Variants in UROC1 observed in about 807,000 individuals in gnomAD.
UROC1 encodes urocanate hydratase 1.
UROC1 carries 79 observed loss-of-function variants against 89.5 expected under a neutral mutation model. That is an observed-to-expected ratio of 0.88 (90% CI 0.74 to 1.06). The LOEUF (loss-of-function observed/expected upper bound fraction) is 1.06. UROC1 is among the 50% of genes least tolerant of loss of function. The pLI is 0.00. For missense variants in UROC1, 885 were observed against 907.8 expected (o/e 0.97, Z 0.32); for synonymous variants, 361 against 354.8 (o/e 1.02, Z -0.20).
In UROC1 at chr3:126,508,097, T is replaced by G. The variant is rs745888489; in HGVS notation, c.412-2A>C. The G allele has an allele frequency of 1.2e-6, 2 of 1,613,810 alleles. No homozygotes were observed. The highest frequency in any genetic ancestry group is 4.5e-5 in the East Asian group (2 of 44,876). ...CAAGTAGAACATGGTCAGCCAGAAC[T>G]GGGGGAAGAGCAGAGCGTGGGGATT... is the stretch of plus-strand genomic sequence containing the variant. On this transcript the variant is annotated splice_acceptor_variant, in intron 4 of 19. Transcript: ENST00000290868. LOFTEE classifies it high-confidence loss of function.
chr3:126,492,316 A>G, intron 16 of UROC1, 102 bp downstream of exon 16: 1 of 1,139,992 alleles, frequency 8.8e-7, no homozygotes, highest in East Asian at 2.6e-5. Flanking sequence ...CCCACCCAGA[A>G]GGCTGTGGGG....
intron 18 of UROC1, among the ~76,000 whole-genome samples, chr3:126,485,791 C>T (rs1208433709): frequency 6.6e-6 from 1 of 151,844 alleles, no homozygotes; most frequent in Non-Finnish European, 1.5e-5. Context: ...CAGAGGATTT[C>T]TGTGCACATT....
At chr3:126,509,770 G>T in intron 2 of UROC1, 92 bp from the exon 3 acceptor site, 1 of 1,210,340 alleles carries the variant, frequency 8.3e-7, no homozygotes, top group Admixed American at 2.0e-5. Flanking sequence ...CTCAGGCAAG[G>T]ATAGCCGGAC....
intron 18 of UROC1, among the ~76,000 whole-genome samples, chr3:126,485,689 TG>T (rs2107532529): frequency 6.6e-6 from 1 of 151,180 alleles, no homozygotes; most frequent in East Asian, 2.0e-4. Flanking sequence ...CTTAGCCTTC[TG>T]AGTAGATGGG....
At position 126,492,481 on chromosome 3, in the gene UROC1, G is replaced by T. The variant is rs369284359; in HGVS notation, c.1545C>A (p.Asp515Glu). 3.7e-6 allele frequency: 6 copies of T among 1,613,378 alleles called. No homozygotes were observed. The African/African-American group carries it at 4.0e-5, about 11-fold the overall frequency. The change falls in exon 16 of 20, where the codon GAC becomes GAA. Residue 515 changes from aspartate to glutamate, a missense_variant. By Grantham distance (45) the Asp-to-Glu change is conservative. Transcript: ENST00000290868. ...VGSQARILYS[D>E]QKGRVAIAVA... ...CAGCGATGGCCACGCGGCCCTTCTG[G>T]TCTGAGTACAGGATCCTTGCCTGGG... is the stretch of plus-strand genomic sequence containing the variant.
chr3:126,496,236 GCCCAC>G lies in UROC1; in HGVS notation c.1439-133_1439-129del, dbSNP rs372654358. 6.5e-3 allele frequency: 5,725 copies of G among 886,216 alleles called. 38 individuals are homozygous for G. The highest frequency in any genetic ancestry group is 8.6e-3 in the Admixed American group (418 of 48,684). 54.9% of individuals were successfully genotyped at this position (886,216 alleles called of 1,614,324 possible). On this transcript the variant is annotated intron_variant, in intron 14 of 19. Coordinates refer to ENST00000290868, the MANE Select transcript of UROC1 (RefSeq NM_144639.3). ...CTGAGCTAGGACACAAGGTGAGGGA[GCCCAC>G]CCCACCCCACCCCTGCCTTTGTGAA...
chr3:126,484,096 A>G (rs1018503067), intron 18 of UROC1, among the ~76,000 whole-genome samples: 19 of 152,114 alleles, frequency 1.2e-4, no homozygotes, highest in Admixed American at 6.5e-5. Flanking sequence ...CCTTCTGATT[A>G]TTTGATCTGA....
chr3:126,515,613 A>G (rs1288590406), intron 1 of UROC1, among the ~76,000 whole-genome samples: 3 of 37,232 alleles, frequency 8.1e-5, no homozygotes, highest in African/African-American at 3.5e-4. Context: ...CCCAGCACCC[A>G]CCACCTACCA....
At chr3:126,510,585 G>T in intron 2 of UROC1, 79 bp downstream of exon 2, 1 of 1,586,992 alleles carries the variant, frequency 6.3e-7, no homozygotes, top group Non-Finnish European at 8.5e-7. Context: ...CTCCCTCCTT[G>T]TTCCTGGCCC....
chr3:126,500,549 T>A, intron 11 of UROC1, 146 bp downstream of exon 11: 1 of 989,534 alleles, frequency 1.0e-6, no homozygotes, highest in Non-Finnish European at 1.6e-6. Context: ...TGACTCCGTC[T>A]GATGGGTGGA....
chr3:126,493,901 G>A (rs1177429127), intron 15 of UROC1, among the ~76,000 whole-genome samples: 3 of 152,188 alleles, frequency 2.0e-5, no homozygotes, highest in East Asian at 1.9e-4. Context: ...CAGCAGGGCC[G>A]GGCCACGGAA....
At chr3:126,490,979 G>A (rs1038200171) in intron 16 of UROC1, among the ~76,000 whole-genome samples, 2 of 152,166 alleles carry the variant, frequency 1.3e-5, no homozygotes, top group Admixed American at 1.3e-4. Flanking sequence ...CTCTCCAGGG[G>A]ATCTCAAAAT....
Position 126,510,773 on chromosome 3 carries a change from G to A in UROC1, c.148C>T (p.Arg50Cys), listed in dbSNP as rs1282834500. ...TCCTGGACATCCGGGGGGAAGTAGC[G>A]CAGGGCGTTCCTCAGCGCCAGCTGG... Reference protein sequence around the residue: ...EKQLALRNALRYFPPDVQELL... With the variant: ...EKQLALRNALCYFPPDVQELL... Residue 50 changes from arginine to cysteine, a missense_variant, in exon 2 of 20, where the codon CGC becomes TGC. Arg to Cys is a radical substitution (Grantham distance 180, BLOSUM62 -3). Coordinates refer to ENST00000290868, the MANE Select transcript of UROC1 (RefSeq NM_144639.3). The A allele has an allele frequency of 8.1e-6, 13 of 1,613,690 alleles. No homozygotes were observed. The highest frequency in any genetic ancestry group is 5.5e-5 in the South Asian group (5 of 91,086).
At position 126,482,120 on chromosome 3, in the gene UROC1, T is replaced by A; in HGVS notation, c.*225A>T. On this transcript the variant is annotated 3_prime_UTR_variant, in exon 20 of 20. Coordinates refer to ENST00000290868, the MANE Select transcript of UROC1 (RefSeq NM_144639.3). ...ACTTTGACAGCCTTCAGGGCTCCCATGCAAGTGGCATGGTTGTGGACAGAG... is the reference window on the plus strand; with the variant it reads ...ACTTTGACAGCCTTCAGGGCTCCCAAGCAAGTGGCATGGTTGTGGACAGAG... 1 of 634,292 alleles carries A rather than the reference T, an allele frequency of 1.6e-6. No individual in the cohort carries two copies. The highest frequency in any genetic ancestry group is 2.0e-5 in the South Asian group (1 of 50,570). The allele number at this position is 634,292 out of a possible 1,614,324, so 39.3% of individuals were successfully genotyped here. A position where few individuals can be genotyped will look rare whatever the true frequency, so the allele number is the denominator to read the frequency against.
chr3:126,508,557 T>G, intron 3 of UROC1, 82 bp from the exon 4 acceptor site: 8 of 1,138,074 alleles, frequency 7.0e-6, no homozygotes, highest in Middle Eastern at 2.0e-4. Context: ...AGGGCCCCCA[T>G]CCCCTGGGGG....
chr3:126,498,656 G>A (rs1355386514), intron 13 of UROC1, among the ~76,000 whole-genome samples: 1 of 151,988 alleles, frequency 6.6e-6, no homozygotes, highest in African/African-American at 2.4e-5. Flanking sequence ...CCTCCTCCTG[G>A]GCAGCCCTCC....
At position 126,508,113 on chromosome 3, in the gene UROC1, C is replaced by A; in HGVS notation, c.412-18G>T. 1.2e-6 allele frequency: 2 copies of A among 1,613,434 alleles called. No homozygotes were observed. The highest frequency in any genetic ancestry group is 1.7e-6 in the Non-Finnish European group (2 of 1,179,996). ...AGCCAGAACTGGGGGAAGAGCAGAG[C>A]GTGGGGATTCTGTCAACAGAAGCAG... On this transcript the variant is annotated intron_variant, in intron 4 of 19. Coordinates refer to ENST00000290868, the MANE Select transcript of UROC1 (RefSeq NM_144639.3).
chr3:126,501,090 A>G, intron 10 of UROC1, 128 bp downstream of exon 10: 1 of 1,221,892 alleles, frequency 8.2e-7, no homozygotes, highest in Non-Finnish European at 1.2e-6. Flanking sequence ...GTGTGGGCCA[A>G]CAAGGGTGGC....
chr3:126,501,283 G>T lies in UROC1; in HGVS notation c.903-3C>A. ...CCTCCTTTTTTTTCCTTGCTTCCCT[G>T]GAAGGACACAAAAGCAGAACAGGTG... On this transcript the variant is annotated splice_region_variant and splice_polypyrimidine_tract_variant and intron_variant, in intron 9 of 19. Coordinates refer to ENST00000290868, the MANE Select transcript of UROC1 (RefSeq NM_144639.3). 6.2e-7 allele frequency: 1 copy of T among 1,613,936 alleles called. No homozygotes were observed. Among genetic ancestry groups the T allele is most frequent in the Non-Finnish European group, 8.5e-7 (1 of 1,179,950 alleles).
Sources: gnomAD v4.1 joint callset for allele counts (sites outside exome capture counted in the v4.1 genomes callset) on GRCh38, gnomAD v4.1.1 for gene constraint, MANE v1.5 for transcripts, NCBI Gene and HGNC (gene_info 2026-07-23, HGNC 2026-07-21) for gene names.